The following KLHL17 variants were observed in gnomAD, a reference collection of about 807,000 sequenced individuals.
The protein encoded by KLHL17 is kelch-like protein 17.
KLHL17 carries 71 observed loss-of-function variants against 64.6 expected under a neutral mutation model. That is an observed-to-expected ratio of 1.10 (90% CI 0.91 to 1.34). The LOEUF is 1.34. KLHL17 is among the 40% of genes most tolerant of loss of function. KLHL17 has a pLI of 0.00. For synonymous variants in KLHL17, 612 were observed against 405.4 expected (o/e 1.51, Z -6.12); for missense variants, 1,140 against 935.0 (o/e 1.22, Z -2.86).
chr1:960,801 G>C lies in KLHL17; in HGVS notation c.107+1G>C. ...CGCCTCCACCGCCGCAGCCGCCGGC[G>C]TGAGTGGGCGGGGGTCGGGGCGCGG... On this transcript the variant is annotated splice_donor_variant, in intron 1 of 11. Transcript: ENST00000338591. LOFTEE classifies it high-confidence loss of function. 1 of 1,039,376 alleles carries C rather than the reference G, an allele frequency of 9.6e-7. No homozygotes were observed. The highest frequency in any genetic ancestry group is 1.2e-6 in the Non-Finnish European group (1 of 863,872). The allele number at this position is 1,039,376 out of a possible 1,614,324, so 64.4% of individuals were successfully genotyped here.
Position 960,705 on chromosome 1 carries a change from C to T in KLHL17, c.12C>T (p.Arg4=), listed in dbSNP as rs1207290992. The change falls in exon 1 of 12, where the codon CGC becomes CGT. Residue 4 remains arginine, a synonymous_variant. Coordinates refer to ENST00000338591, the MANE Select transcript of KLHL17 (RefSeq NM_198317.3). ...GGTCCGGCAGCCGAATGCAGCCCCG[C>T]AGCGAGCGCCCGGCCGGCAGGACGC... MQP[R]SERPAGRTQS... 2.9e-6 allele frequency: 4 copies of T among 1,357,942 alleles called. No individual in the cohort carries two copies. Among genetic ancestry groups the T allele is most frequent in the Non-Finnish European group, 2.9e-6 (3 of 1,047,790 alleles). 84.1% of individuals were successfully genotyped at this position (1,357,942 alleles called of 1,614,324 possible). A position where few individuals can be genotyped will look rare whatever the true frequency, so the allele number is the denominator to read the frequency against.
At chr1:961,134 G>A (rs527837577) in intron 1 of KLHL17, among the ~76,000 whole-genome samples, 159 bp from the exon 2 acceptor site, 21 of 151,380 alleles carry the variant, frequency 1.4e-4, no homozygotes, top group South Asian at 6.2e-4. Context: ...GACACGGCGC[G>A]CTCCGGGGCG....
chr1:963,538 A>G (rs1243938096), intron 8 of KLHL17, 34 bp downstream of exon 8: 3 of 1,569,934 alleles, frequency 1.9e-6, no homozygotes, highest in Non-Finnish European at 1.7e-6. Flanking sequence ...GGCTTTGTAC[A>G]GTCCATCTGC....
chr1:963,119 C>G lies in KLHL17; in HGVS notation c.1053C>G (p.Ser351Arg). The stretch of plus-strand genomic sequence containing the variant: ...ACCTGCCCTCCCCAGGCGGCGGGAG[C>G]CTGTTTGCCATCCACGGAGACTGTG... ...GPVLFAVGGG[S>R]LFAIHGDCEA... Residue 351 changes from serine (S) to arginine (R), a missense_variant, in exon 7 of 12, where the codon AGC becomes AGG. Coordinates refer to ENST00000338591, the MANE Select transcript of KLHL17 (RefSeq NM_198317.3). 6.2e-7 allele frequency: 1 copy of G among 1,611,864 alleles called. No homozygotes were observed. The highest frequency in any genetic ancestry group is 8.5e-7 in the Non-Finnish European group (1 of 1,179,510).
In KLHL17 at chr1:960,609, G is replaced by C. The variant is rs1230654606; in HGVS notation, c.-85G>C. ...GGGAGTGAGCGACACAGAGCGGGCCGCCACCGCCGAGCAGCCCTCCGGCAG... is the reference window on the plus strand; with the variant it reads ...GGGAGTGAGCGACACAGAGCGGGCCCCCACCGCCGAGCAGCCCTCCGGCAG... On this transcript the variant is annotated 5_prime_UTR_variant, in exon 1 of 12. Coordinates refer to ENST00000338591, the MANE Select transcript of KLHL17 (RefSeq NM_198317.3). 8.5e-7 allele frequency: 1 copy of C among 1,169,592 alleles called. No individual in the cohort carries two copies. The highest frequency in any genetic ancestry group is 1.1e-6 in the Non-Finnish European group (1 of 933,604). 72.5% of individuals were successfully genotyped at this position (1,169,592 alleles called of 1,614,324 possible).
chr1:965,181 C>T lies in KLHL17; in HGVS notation c.1919C>T (p.Thr640Ile). ...PSSPTLSVSSTSL is the reference protein window; with the variant it reads ...PSSPTLSVSSISL ...TCCCCGACGCTGTCCGTGTCCTCCA[C>T]CAGCCTCTGACCCACCTACCACCAG... The change falls in exon 12 of 12, where the codon ACC becomes ATC. Residue 640 changes from threonine (T) to isoleucine (I), a missense_variant. Physicochemically the swap from Thr to Ile is moderately conservative, Grantham distance 89. Coordinates refer to ENST00000338591, the MANE Select transcript of KLHL17 (RefSeq NM_198317.3). The T allele has an allele frequency of 6.2e-7, 1 of 1,612,236 alleles. No individual in the cohort carries two copies. The highest frequency in any genetic ancestry group is 1.1e-5 in the South Asian group (1 of 91,056).
At position 965,404 on chromosome 1, in the gene KLHL17, G is replaced by C. The variant is rs1020511843; in HGVS notation, c.*213G>C. On this transcript the variant is annotated 3_prime_UTR_variant, in exon 12 of 12. Transcript: ENST00000338591. The stretch of plus-strand genomic sequence containing the variant: ...CACCTTTAGCGTCTGGTCCTCCTGC[G>C]TGTCCTCCCCTCCACTGCCTGCATG... 1 of 579,758 alleles carries C rather than the reference G, an allele frequency of 1.7e-6. No individual in the cohort carries two copies. Among genetic ancestry groups the C allele is most frequent in the Non-Finnish European group, 3.0e-6 (1 of 330,934 alleles). 35.9% of individuals were successfully genotyped at this position (579,758 alleles called of 1,614,324 possible).
intron 5 of KLHL17, 81 bp from the exon 6 acceptor site, chr1:962,622 CG>C: frequency 6.6e-7 from 1 of 1,523,354 alleles, no homozygotes; most frequent in Non-Finnish European, 8.8e-7. Flanking sequence ...ACAGGTGGTA[CG>C]GGCATCTGGG....
rs770797095 is a variant in KLHL17 at position 962,452 on chromosome 1, G to A, written c.809G>A (p.Arg270His). The A allele has an allele frequency of 8.7e-6, 14 of 1,612,628 alleles. No homozygotes were observed. Among genetic ancestry groups the A allele is most frequent in the South Asian group, 3.3e-5 (3 of 91,072 alleles). Reference sequence around the variant, plus strand: ...TGGGTGAAACACGACGTGGACGCCCGCAGGCAGCATGTCCCACGGGTGAGG... The same window carrying A: ...TGGGTGAAACACGACGTGGACGCCCACAGGCAGCATGTCCCACGGGTGAGG... ...LSWVKHDVDA[R>H]RQHVPRLMKC... Residue 270 changes from arginine (R) to histidine (H), a missense_variant, in exon 5 of 12, where the codon CGC (arginine) becomes CAC (histidine). Physicochemically the swap from Arg to His is conservative, Grantham distance 29. Coordinates refer to ENST00000338591, the MANE Select transcript of KLHL17 (RefSeq NM_198317.3).
chr1:960,989 G>A (rs1642614031), intron 1 of KLHL17, 189 bp downstream of exon 1: 1 of 298,362 alleles, frequency 3.4e-6, no homozygotes, highest in Non-Finnish European at 4.9e-6. Flanking sequence ...CGCGACTCCC[G>A]CTGCGGTCCC....
chr1:961,224 C>A (rs904185865), intron 1 of KLHL17, 69 bp from the exon 2 acceptor site: 10 of 1,158,128 alleles, frequency 8.6e-6, no homozygotes, highest in Admixed American at 4.5e-5. Context: ...GCTGCCCGGG[C>A]CCCCCAGCGG....
chr1:962,277 C>G (rs570599402), intron 4 of KLHL17, 78 bp from the exon 5 acceptor site: 1 of 1,605,470 alleles, frequency 6.2e-7, no homozygotes, highest in Non-Finnish European at 8.5e-7. Flanking sequence ...TGCTAACCCT[C>G]CCTCCTAGGC....
chr1:962,719 C>A lies in KLHL17; in HGVS notation c.844C>A (p.Arg282=). Residue 282 remains arginine (R), a synonymous_variant, in exon 6 of 12, where the codon CGG becomes AGG. Transcript: ENST00000338591. The part of the protein sequence containing the change: ...QHVPRLMKCV[R]LPLLSRDFLL... ...TGCACCCCAGCTCATGAAGTGTGTG[C>A]GGCTGCCCTTGCTGAGCCGCGACTT... 2 of 1,602,690 alleles carry A rather than the reference C, an allele frequency of 1.2e-6. No homozygotes were observed. Among genetic ancestry groups the A allele is most frequent in the Non-Finnish European group, 8.5e-7 (1 of 1,176,940 alleles).
chr1:962,171 T>G (rs778896661), intron 4 of KLHL17, 124 bp downstream of exon 4: 2 of 1,272,302 alleles, frequency 1.6e-6, no homozygotes. Context: ...CTGCTGTGTG[T>G]CCCCGAGACC....
rs1437929131 is a variant in KLHL17, at chr1:961,915, C to G, written c.579C>G (p.Asn193Lys). ...TACTGAGTCAGCTCGACCCCTCCAA[C>G]TGCCTGGGTATCCGGGGCTTTGCCG... ...KFLLSQLDPS[N>K]CLGIRGFADA... The change falls in exon 4 of 12, where the codon AAC becomes AAG. Residue 193 changes from asparagine to lysine, a missense_variant. Coordinates refer to ENST00000338591, the MANE Select transcript of KLHL17 (RefSeq NM_198317.3). The G allele has an allele frequency of 1.2e-6, 2 of 1,612,986 alleles. No individual in the cohort carries two copies. Among genetic ancestry groups the G allele is most frequent in the Non-Finnish European group, 1.7e-6 (2 of 1,180,024 alleles).
chr1:962,731 C>T lies in KLHL17; in HGVS notation c.856C>T (p.Leu286=), dbSNP rs769945713. The T allele has an allele frequency of 1.2e-6, 2 of 1,607,990 alleles. No homozygotes were observed. Among genetic ancestry groups the T allele is most frequent in the Non-Finnish European group, 1.7e-6 (2 of 1,178,814 alleles). The part of the protein sequence containing the change: ...RLMKCVRLPL[L]SRDFLLGHVD... The stretch of plus-strand genomic sequence containing the variant: ...CATGAAGTGTGTGCGGCTGCCCTTG[C>T]TGAGCCGCGACTTCCTGCTGGGCCA... The change falls in exon 6 of 12, where the codon CTG becomes TTG. Residue 286 remains leucine (L), a synonymous_variant. Transcript: ENST00000338591.
chr1:964,956 C>T lies in KLHL17; in HGVS notation c.1701-7C>T, dbSNP rs957299293. 6.3e-6 allele frequency: 10 copies of T among 1,588,052 alleles called. No homozygotes were observed. Among genetic ancestry groups the T allele is most frequent in the Non-Finnish European group, 6.9e-6 (8 of 1,162,324 alleles). On this transcript the variant is annotated splice_region_variant and splice_polypyrimidine_tract_variant and intron_variant, in intron 11 of 11. Coordinates refer to ENST00000338591, the MANE Select transcript of KLHL17 (RefSeq NM_198317.3). The stretch of plus-strand genomic sequence containing the variant: ...GCAGCCAGGGGCTCACCCCGCCTTC[C>T]CCCCAGGAGCACGCATGACCTGGTG...
At position 965,128 on chromosome 1, in the gene KLHL17, G is replaced by A. The variant is rs367975128; in HGVS notation, c.1866G>A (p.Leu622=). The change falls in exon 12 of 12, where the codon CTG becomes CTA. Residue 622 remains leucine (L), a synonymous_variant. Coordinates refer to ENST00000338591, the MANE Select transcript of KLHL17 (RefSeq NM_198317.3). ...GCAGCAGTGTGGGTGTGGCGGTGCT[G>A]GAGCTGCTCAATTTCCCGCCGCCAT... The part of the protein sequence containing the change: ...TRRSSVGVAV[L]ELLNFPPPSS... The A allele has an allele frequency of 6.2e-6, 10 of 1,612,448 alleles. No homozygotes were observed. The African/African-American group carries it at 1.1e-4, about 17-fold the overall frequency.
chr1:964,046 T>TC, intron 9 of KLHL17, 38 bp downstream of exon 9: 1 of 1,612,094 alleles, frequency 6.2e-7, no homozygotes, highest in Non-Finnish European at 8.5e-7. Flanking sequence ...ATCCCCACCT[T>TC]CCCCCACCGT....
Sources: gnomAD v4.1 joint callset for allele counts (sites outside exome capture counted in the v4.1 genomes callset) on GRCh38, gnomAD v4.1.1 for gene constraint, MANE v1.5 for transcripts, NCBI Gene and HGNC (gene_info 2026-07-23, HGNC 2026-07-21) for gene names.